Variants in EIF2AK2 observed in about 807,000 individuals in gnomAD.
EIF2AK2 encodes interferon-induced, double-stranded RNA-activated protein kinase.
In EIF2AK2, 40 loss-of-function variants were observed where a neutral mutation model predicts 70.5. That is an observed-to-expected ratio of 0.57 (90% CI 0.44 to 0.74). The LOEUF (loss-of-function observed/expected upper bound fraction) is 0.74. EIF2AK2 is among the 30% of genes least tolerant of loss of function. The pLI, the probability that EIF2AK2 is intolerant of heterozygous loss-of-function variation, is 0.00. For synonymous variants in EIF2AK2, 198 were observed against 220.9 expected (o/e 0.90, Z 0.92); for missense variants, 555 against 644.3 (o/e 0.86, Z 1.50).
At position 37,105,922 on chromosome 2, in the gene EIF2AK2, A is replaced by G. The variant is rs1673951109; in HGVS notation, c.*1351T>C. 6.6e-6 allele frequency: 1 copy of G among 152,092 alleles called. No individual in the cohort carries two copies. Among genetic ancestry groups the G allele is most frequent in the Non-Finnish European group, 1.5e-5 (1 of 68,016 alleles). 9.4% of individuals were successfully genotyped at this position (152,092 alleles called of 1,614,324 possible). On this transcript the variant is annotated 3_prime_UTR_variant, in exon 17 of 17. Coordinates refer to ENST00000233057, the MANE Select transcript of EIF2AK2 (RefSeq NM_001135651.3). Reference sequence around the variant, plus strand: ...GCCATCTTACCCTTCCCGATGGACTATTTTCTGTTTTTAGCTACTGCCTTA... The same window carrying G: ...GCCATCTTACCCTTCCCGATGGACTGTTTTCTGTTTTTAGCTACTGCCTTA...
intron 13 of EIF2AK2, among the ~76,000 whole-genome samples, chr2:37,115,954 T>C (rs1250007095): frequency 6.6e-6 from 1 of 152,156 alleles, no homozygotes; most frequent in East Asian, 1.9e-4. Context: ...TGGAGTGTAG[T>C]GGCATGATCT....
chr2:37,119,130 G>C (rs1166473385), intron 13 of EIF2AK2, among the ~76,000 whole-genome samples: 1 of 152,104 alleles, frequency 6.6e-6, no homozygotes, highest in Non-Finnish European at 1.5e-5. Flanking sequence ...GGCTGTGAAG[G>C]GCTATTCTGT....
Position 37,148,958 on chromosome 2 carries a change from C to G in EIF2AK2, c.-118G>C, listed in dbSNP as rs1398977309. ...AGCAAACCTGAGTCAGATGGAAGAA[C>G]TGCTAAAGTTTTGAGGTCATTACAA... On this transcript the variant is annotated 5_prime_UTR_variant, in exon 2 of 17. Transcript: ENST00000233057. 2.4e-6 allele frequency: 2 copies of G among 827,298 alleles called. No individual in the cohort carries two copies. Among genetic ancestry groups the G allele is most frequent in the African/African-American group, 1.7e-5 (1 of 60,006 alleles). The allele number at this position is 827,298 out of a possible 1,614,324, so 51.2% of individuals were successfully genotyped here.
At chr2:37,144,262 A>AC (rs1675443956) in intron 4 of EIF2AK2, among the ~76,000 whole-genome samples, 1 of 151,584 alleles carries the variant, frequency 6.6e-6, no homozygotes, top group African/African-American at 2.4e-5. Context: ...TAGCACACAC[A>AC]ATTATGTATA....
chr2:37,144,927 C>T (rs1675474895), intron 4 of EIF2AK2, among the ~76,000 whole-genome samples: 1 of 151,930 alleles, frequency 6.6e-6, no homozygotes, highest in Middle Eastern at 3.2e-3. Context: ...CACTCTGTCA[C>T]CCAGGCTGGA....
chr2:37,119,817 C>T (rs1013886157), intron 13 of EIF2AK2, 142 bp downstream of exon 13: 3 of 372,562 alleles, frequency 8.1e-6, no homozygotes, highest in Non-Finnish European at 1.3e-5. Context: ...GTTTCGAACT[C>T]ATGACCTCAG....
chr2:37,154,839 G>T (rs1675867892), intron 1 of EIF2AK2, among the ~76,000 whole-genome samples: 1 of 152,152 alleles, frequency 6.6e-6, no homozygotes, highest in African/African-American at 2.4e-5. Context: ...TGCGATTACA[G>T]GCATGAGCCA....
chr2:37,138,767 T>G (rs1675216614), intron 6 of EIF2AK2, among the ~76,000 whole-genome samples, 182 bp from the exon 7 acceptor site: 1 of 152,196 alleles, frequency 6.6e-6, no homozygotes, highest in Admixed American at 6.5e-5. Flanking sequence ...TTTTTTATTT[T>G]ACTTTTCTGG....
intron 10 of EIF2AK2, among the ~76,000 whole-genome samples, chr2:37,132,544 G>A (rs1162755722): frequency 1.3e-5 from 2 of 152,136 alleles, no homozygotes; most frequent in Non-Finnish European, 2.9e-5. Context: ...AGCTGAGATC[G>A]TGCCACTGCA....
intron 1 of EIF2AK2, among the ~76,000 whole-genome samples, chr2:37,152,949 C>G (rs1024364341): frequency 1.3e-5 from 2 of 152,116 alleles, no homozygotes; most frequent in Non-Finnish European, 2.9e-5. Flanking sequence ...ATTTCCTCTC[C>G]CTGCCTTCTA....
chr2:37,117,213 A>G (rs1159717021), intron 13 of EIF2AK2, among the ~76,000 whole-genome samples: 1 of 145,704 alleles, frequency 6.9e-6, no homozygotes, highest in African/African-American at 2.5e-5. Flanking sequence ...CTCTGTCTCA[A>G]AAAAAAAAAA....
intron 7 of EIF2AK2, 58 bp from the exon 8 acceptor site, chr2:37,138,421 T>G: frequency 6.3e-7 from 1 of 1,597,710 alleles, no homozygotes; most frequent in Non-Finnish European, 8.6e-7. Flanking sequence ...ACTTATTTCT[T>G]TCCCTAAATT....
chr2:37,132,835 T>C (rs550675114), intron 10 of EIF2AK2, among the ~76,000 whole-genome samples: 3 of 152,284 alleles, frequency 2.0e-5, no homozygotes, highest in African/African-American at 7.2e-5. Context: ...GACTGGGAAA[T>C]TGATTTTACC....
At chr2:37,124,257 T>C (rs1238599728) in intron 11 of EIF2AK2, among the ~76,000 whole-genome samples, 1 of 152,040 alleles carries the variant, frequency 6.6e-6, no homozygotes, top group Non-Finnish European at 1.5e-5. Context: ...CCTGAGCCAC[T>C]GCACCCAGCC....
chr2:37,111,396 TTC>T (rs1284934614), intron 14 of EIF2AK2, among the ~76,000 whole-genome samples: 2 of 150,778 alleles, frequency 1.3e-5, no homozygotes, highest in African/African-American at 2.4e-5. Context: ...GGAATTTCTT[TTC>T]TTTTTTTTTT....
chr2:37,134,645 C>T (rs1675061151), intron 10 of EIF2AK2, among the ~76,000 whole-genome samples: 1 of 152,172 alleles, frequency 6.6e-6, no homozygotes, highest in Non-Finnish European at 1.5e-5. Flanking sequence ...TGGGTGTCTC[C>T]TTGACCTCCT....
intron 5 of EIF2AK2, among the ~76,000 whole-genome samples, chr2:37,140,681 C>T (rs568441287): frequency 6.6e-6 from 1 of 151,798 alleles, no homozygotes; most frequent in African/African-American, 2.4e-5. Context: ...AAGTGAGCTA[C>T]AGAAAATAAA....
chr2:37,112,531 G>A (rs1403438774), intron 14 of EIF2AK2, among the ~76,000 whole-genome samples: 1 of 152,162 alleles, frequency 6.6e-6, no homozygotes, highest in Non-Finnish European at 1.5e-5. Flanking sequence ...AGTTCATTTG[G>A]AATTGTAAAT....
intron 14 of EIF2AK2, 35 bp from the exon 15 acceptor site, chr2:37,109,330 C>T (rs1180298178): frequency 1.3e-6 from 2 of 1,578,292 alleles, no homozygotes; most frequent in Admixed American, 1.7e-5. Context: ...CTTTGTTATG[C>T]TCCTTACATA....
Sources: gnomAD v4.1 joint callset for allele counts (sites outside exome capture counted in the v4.1 genomes callset) on GRCh38, gnomAD v4.1.1 for gene constraint, MANE v1.5 for transcripts, NCBI Gene and HGNC (gene_info 2026-07-23, HGNC 2026-07-21) for gene names.